Variants in NUMA1 observed in about 807,000 individuals in gnomAD.
The protein encoded by NUMA1 is nuclear mitotic apparatus protein 1, also known as SP-H antigen.
NUMA1 carries 62 observed loss-of-function variants against 237.1 expected under a neutral mutation model. That is an observed-to-expected ratio of 0.26 (90% confidence interval 0.21 to 0.32). The LOEUF (loss-of-function observed/expected upper bound fraction) is 0.32. Among genes scored for constraint, NUMA1 ranks in the 10% least tolerant of loss-of-function variants. The pLI is 1.00. For synonymous variants in NUMA1, 1,028 were observed against 1,066.1 expected (o/e 0.96, Z 0.70); for missense variants, 2,533 against 2,666.5 (o/e 0.95, Z 1.10).
In NUMA1 at chr11:72,016,179, C is replaced by T. The variant is rs1303395091; in HGVS notation, c.1324G>A (p.Glu442Lys). 14 of 1,613,358 alleles carry T rather than the reference C, an allele frequency of 8.7e-6. No individual in the cohort carries two copies. The South Asian group carries it at 1.4e-4, about 16-fold the overall frequency. ...LQARVEMLET[E>K]RGQQEAKLLA... ...AGCTTGGCTTCCTGCTGGCCTCGCTCAGTCTCCAGCATCTCTACCCTGGCT... is the reference window on the plus strand; with the variant it reads ...AGCTTGGCTTCCTGCTGGCCTCGCTTAGTCTCCAGCATCTCTACCCTGGCT... Residue 442 changes from glutamate to lysine, a missense_variant, in exon 15 of 27, where the codon GAG becomes AAG. By Grantham distance (56) the Glu-to-Lys change is moderately conservative. Coordinates refer to ENST00000393695, the MANE Select transcript of NUMA1 (RefSeq NM_006185.4).
intron 16 of NUMA1, 44 bp from the exon 17 acceptor site, chr11:72,010,898 C>T (rs575286668): frequency 2.2e-5 from 34 of 1,547,232 alleles, no homozygotes; most frequent in Non-Finnish European, 3.0e-5. Flanking sequence ...AGGACTTCCC[C>T]TGGATGTTCA....
intron 23 of NUMA1, 105 bp downstream of exon 23, chr11:72,005,127 TC>T: frequency 7.7e-7 from 1 of 1,291,746 alleles, no homozygotes. Flanking sequence ...CTCCCCCTCC[TC>T]GGCCAGTCAG....
chr11:72,004,445 C>A (rs1955532145), intron 24 of NUMA1, 104 bp from the exon 25 acceptor site: 1 of 1,237,250 alleles, frequency 8.1e-7, no homozygotes, highest in East Asian at 2.3e-5. Context: ...AGTCAACGTG[C>A]AACCTGCTCC....
At chr11:72,038,650 C>A (rs926773437) in intron 2 of NUMA1, among the ~76,000 whole-genome samples, 1 of 152,020 alleles carries the variant, frequency 6.6e-6, no homozygotes, top group African/African-American at 2.4e-5. Context: ...CCACCCTCCC[C>A]CTGAAATCTG....
chr11:72,006,155 C>G lies in NUMA1; in HGVS notation c.5572G>C (p.Ala1858Pro), dbSNP rs1565188168. Residue 1858 changes from alanine (A) to proline (P), a missense_variant, in exon 22 of 27, where the codon GCT becomes CCT. Physicochemically the swap from Ala to Pro is conservative, Grantham distance 27. Transcript: ENST00000393695. ...CCATAATCGGGAGAACCCAGGCGAG[C>G]TAGAGACTGAGTAGAGGAGGTGGCT... is the stretch of plus-strand genomic sequence containing the variant. Reference protein sequence around the residue: ...LRATSSTQSLARLGSPDYGNS... With the variant: ...LRATSSTQSLPRLGSPDYGNS... 6.2e-7 allele frequency: 1 copy of G among 1,614,062 alleles called. No homozygotes were observed. Among genetic ancestry groups the G allele is most frequent in the African/African-American group, 1.3e-5 (1 of 74,928 alleles).
intron 2 of NUMA1, among the ~76,000 whole-genome samples, chr11:72,069,347 C>G (rs1178607867): frequency 2.6e-5 from 4 of 152,144 alleles, no homozygotes; most frequent in Non-Finnish European, 5.9e-5. Context: ...TAGCAACAGT[C>G]AGGATGAGAA....
chr11:72,008,606 T>A (rs771711160), intron 20 of NUMA1, 82 bp downstream of exon 20: 1 of 1,421,090 alleles, frequency 7.0e-7, no homozygotes, highest in South Asian at 1.2e-5. Flanking sequence ...TTAGATCACA[T>A]CTTATTTATC....
intron 9 of NUMA1, 82 bp from the exon 10 acceptor site, chr11:72,019,062 G>T: frequency 1.3e-6 from 2 of 1,519,196 alleles, no homozygotes; most frequent in Non-Finnish European, 1.8e-6. Context: ...AAGGGAGCGG[G>T]GTCTATGGAA....
intron 16 of NUMA1, among the ~76,000 whole-genome samples, 165 bp from the exon 17 acceptor site, chr11:72,011,019 G>A (rs1256635935): frequency 6.6e-6 from 1 of 152,152 alleles, no homozygotes; most frequent in East Asian, 1.9e-4. Flanking sequence ...TGCTGCCCAG[G>A]CTGCTTGGCA....
intron 20 of NUMA1, 160 bp from the exon 21 acceptor site, chr11:72,007,595 T>A: frequency 1.1e-6 from 1 of 877,320 alleles, no homozygotes; most frequent in Admixed American, 2.5e-5. Context: ...GCACTTGACC[T>A]GGGCCTTCCT....
At position 72,004,346 on chromosome 11, in the gene NUMA1, G is replaced by A. The variant is rs754985600; in HGVS notation, c.6007-5C>T. 3 of 1,609,952 alleles carry A rather than the reference G, an allele frequency of 1.9e-6. No homozygotes were observed. Among genetic ancestry groups the A allele is most frequent in the Non-Finnish European group, 2.5e-6 (3 of 1,177,784 alleles). ...ACAGCTGGTGGCCTTCTTAGACTAT[G>A]GAGAAGAGGACAGTTAGGCAGACAG... On this transcript the variant is annotated splice_polypyrimidine_tract_variant and splice_region_variant and intron_variant, in intron 24 of 26. Coordinates refer to ENST00000393695, the MANE Select transcript of NUMA1 (RefSeq NM_006185.4).
At chr11:72,024,197 A>C (rs914831044) in intron 5 of NUMA1, 77 bp downstream of exon 5, 21 of 1,318,250 alleles carry the variant, frequency 1.6e-5, no homozygotes, top group South Asian at 4.7e-5. Flanking sequence ...GACACCCATG[A>C]ACTAGTTCCT....
At chr11:72,051,230 A>G (rs1565276832) in intron 2 of NUMA1, among the ~76,000 whole-genome samples, 1 of 152,190 alleles carries the variant, frequency 6.6e-6, no homozygotes, top group African/African-American at 2.4e-5. Context: ...CGTGATCACC[A>G]TCAGAGAAAA....
intron 17 of NUMA1, 117 bp from the exon 18 acceptor site, chr11:72,009,504 G>C (rs1457391585): frequency 1.5e-6 from 2 of 1,343,056 alleles, no homozygotes; most frequent in Non-Finnish European, 9.9e-7. Context: ...CTTAGGAAGC[G>C]GAAGAAAACC....
At chr11:72,012,827 C>G in intron 15 of NUMA1, 68 bp downstream of exon 15, 2 of 1,564,102 alleles carry the variant, frequency 1.3e-6, no homozygotes, top group Non-Finnish European at 1.7e-6. Context: ...GCCCTGGACA[C>G]AGAGGATCGA....
At chr11:72,076,399 TA>T (rs1444409532) in intron 1 of NUMA1, among the ~76,000 whole-genome samples, 2 of 151,646 alleles carry the variant, frequency 1.3e-5, no homozygotes. Flanking sequence ...TAAAATAAAA[TA>T]AAATTCTAGG....
chr11:72,075,987 G>A (rs556072885), intron 1 of NUMA1, among the ~76,000 whole-genome samples: 3 of 152,152 alleles, frequency 2.0e-5, no homozygotes, highest in Non-Finnish European at 2.9e-5. Flanking sequence ...TTTATACTCA[G>A]TAAGATAATA....
chr11:72,024,546 G>A, intron 4 of NUMA1, 193 bp from the exon 5 acceptor site: 1 of 582,106 alleles, frequency 1.7e-6, no homozygotes, highest in South Asian at 2.0e-5. Context: ...TGGTGGGTGG[G>A]AAGAGGGGAC....
At position 72,002,971 on chromosome 11, in the gene NUMA1, C is replaced by T. The variant is rs3168177; in HGVS notation, c.*556G>A. On this transcript the variant is annotated 3_prime_UTR_variant, in exon 27 of 27. Coordinates refer to ENST00000393695, the MANE Select transcript of NUMA1 (RefSeq NM_006185.4). ...CTCCAAATCCCACCCCAGTGCAAGT[C>T]TGGGGAAGGTAGGGTGTGAGCTGCT... is the stretch of plus-strand genomic sequence containing the variant. 1 of 234,044 alleles carries T rather than the reference C, an allele frequency of 4.3e-6. No individual in the cohort carries two copies. The highest frequency in any genetic ancestry group is 8.5e-6 in the Non-Finnish European group (1 of 118,342). 14.5% of individuals were successfully genotyped at this position (234,044 alleles called of 1,614,324 possible).
Sources: gnomAD v4.1 joint callset for allele counts (sites outside exome capture counted in the v4.1 genomes callset) on GRCh38, gnomAD v4.1.1 for gene constraint, MANE v1.5 for transcripts, NCBI Gene and HGNC (gene_info 2026-07-23, HGNC 2026-07-21) for gene names.